DLGAP2: variants seen among roughly 807,000 people sequenced by gnomAD.
DLGAP2 encodes the protein DLG associated protein 2.
A neutral mutation model predicts 100.3 loss-of-function variants in DLGAP2; 26 were observed. The ratio of observed to expected loss-of-function variants is 0.26; its 90% CI spans 0.19 to 0.36. The LOEUF is 0.36. DLGAP2 is among the 10% of genes least tolerant of loss of function. DLGAP2 has a pLI of 1.00. For missense variants in DLGAP2, 1,858 were observed against 1,453.2 expected, an observed-to-expected ratio of 1.28 and a Z score of -4.53; for synonymous variants, 886 against 630.1, an observed-to-expected ratio of 1.41 and a Z score of -6.08.
intron 3 of DLGAP2, chr8:1,381,321 G>T (rs1327064637): frequency 6.6e-6 from 1 of 152,146 alleles, no homozygotes; most frequent in Admixed American, 6.5e-5. Context: ...TGTTAGCAAA[G>T]ACATGAAAAA....
At chr8:802,627 G>A (rs1399226905) in intron 1 of DLGAP2, among the ~76,000 whole-genome samples, 2 of 152,172 alleles carry the variant, frequency 1.3e-5, no homozygotes, top group African/African-American at 2.4e-5. Flanking sequence ...CAGCCCCCGA[G>A]AGGCTGCATC....
intron 3 of DLGAP2, among the ~76,000 whole-genome samples, chr8:1,330,594 ACGGGGACCGAG>A (rs1563086934): frequency 1.2e-4 from 15 of 126,474 alleles, no homozygotes; most frequent in Non-Finnish European, 2.0e-4. Context: ...GCACCGCTTC[ACGGGGACCGAG>A]TTCTGGGTGG....
intron 8 of DLGAP2, among the ~76,000 whole-genome samples, chr8:1,642,278 A>G (rs1385890878): frequency 5.2e-5 from 4 of 76,676 alleles, no homozygotes; most frequent in Non-Finnish European, 8.0e-5. Context: ...GTCACCCTCC[A>G]ACCCGCCGGC....
intron 2 of DLGAP2, among the ~76,000 whole-genome samples, chr8:993,787 C>CTTTTTTTTTTTTTTTTTTTT (rs534659471): frequency 1.6e-5 from 1 of 64,160 alleles, no homozygotes; most frequent in African/African-American, 6.4e-5. Context: ...AACTGATTGG[C>CTTTTTTTTTTTTTTTTTTTT]TTTTTTTTTT....
At chr8:846,284 C>T (rs1186426282) in intron 1 of DLGAP2, among the ~76,000 whole-genome samples, 1 of 152,188 alleles carries the variant, frequency 6.6e-6, no homozygotes, top group African/African-American at 2.4e-5. Context: ...CTTTTGCCAT[C>T]TCCTCCTCCC....
At chr8:846,794 A>T (rs1439036633) in intron 1 of DLGAP2, among the ~76,000 whole-genome samples, 1 of 152,100 alleles carries the variant, frequency 6.6e-6, no homozygotes, top group African/African-American at 2.4e-5. Context: ...GGTAATAGCC[A>T]TTCTAATTGG....
At chr8:1,257,020 T>C (rs1420565259) in intron 2 of DLGAP2, among the ~76,000 whole-genome samples, 1 of 152,138 alleles carries the variant, frequency 6.6e-6, no homozygotes, top group African/African-American at 2.4e-5. Context: ...CTTCAGGTCC[T>C]GCCCTGCGGC....
intron 2 of DLGAP2, among the ~76,000 whole-genome samples, chr8:1,214,483 G>A (rs376939758): frequency 1.3e-5 from 2 of 152,204 alleles, no homozygotes; most frequent in African/African-American, 4.8e-5. Context: ...ACCACTTTAC[G>A]TAGGAGATGC....
At chr8:1,385,662 C>T (rs1316405073) in intron 3 of DLGAP2, among the ~76,000 whole-genome samples, 1 of 60,956 alleles carries the variant, frequency 1.6e-5, no homozygotes, top group Admixed American at 1.6e-4. Context: ...TGCACAGTTA[C>T]CCCGGCCTGT....
At chr8:1,166,441 T>G (rs1797017889) in intron 2 of DLGAP2, among the ~76,000 whole-genome samples, 1 of 152,226 alleles carries the variant, frequency 6.6e-6, no homozygotes, top group Non-Finnish European at 1.5e-5. Context: ...TCTGTTCGTC[T>G]CCAGGAAGGA....
intron 8 of DLGAP2, among the ~76,000 whole-genome samples, chr8:1,666,619 G>A (rs1450947379): frequency 6.6e-6 from 1 of 151,824 alleles, no homozygotes; most frequent in African/African-American, 2.4e-5. Context: ...GGCAGAGGCT[G>A]CAGTGAGCTC....
intron 1 of DLGAP2, among the ~76,000 whole-genome samples, chr8:826,262 T>C (rs1196295734): frequency 6.6e-6 from 1 of 152,228 alleles, no homozygotes; most frequent in African/African-American, 2.4e-5. Context: ...ATCTTGGCTG[T>C]TGTAAACAGA....
rs545194284 is a variant in DLGAP2, at chr8:1,283,374, C to T, written c.106+24491C>T. On this transcript the variant is annotated intron_variant, in intron 3 of 14. Transcript: ENST00000637795. ...GTCCCTCTTCGTCCCCTCAATGGCG[C>T]CCAGACCTTCCACATTCATAAAAGG... is the stretch of plus-strand genomic sequence containing the variant. 5.7e-4 allele frequency among the ~76,000 whole-genome samples: 87 copies of T among 152,330 alleles called. 1 individual carries two copies. Among genetic ancestry groups the T allele is most frequent in the Admixed American group, 2.4e-3 (36 of 15,296 alleles).
chr8:1,359,670 C>A (rs1328579049), intron 3 of DLGAP2, among the ~76,000 whole-genome samples: 2 of 152,206 alleles, frequency 1.3e-5, no homozygotes, highest in East Asian at 1.9e-4. Flanking sequence ...AGATAGCCAT[C>A]CCCTCCCAAT....
chr8:1,585,266 C>T (rs528807366), intron 6 of DLGAP2, among the ~76,000 whole-genome samples: 29 of 152,148 alleles, frequency 1.9e-4, no homozygotes, highest in African/African-American at 6.3e-4. Context: ...AGTTTGAGAC[C>T]AGCCTGGCCA....
intron 1 of DLGAP2, among the ~76,000 whole-genome samples, chr8:843,700 A>G (rs369492160): frequency 6.6e-6 from 1 of 152,172 alleles, no homozygotes; most frequent in African/African-American, 2.4e-5. Context: ...GATGTGTGAT[A>G]TGATTGGTCT....
intron 14 of DLGAP2, among the ~76,000 whole-genome samples, chr8:1,698,326 T>G (rs1023504411): frequency 6.9e-6 from 1 of 145,284 alleles, no homozygotes; most frequent in South Asian, 2.2e-4. Context: ...GACAGGTCCA[T>G]GTAAGCCATG....
At chr8:1,656,675 C>G (rs1798292224) in intron 8 of DLGAP2, among the ~76,000 whole-genome samples, 1 of 152,184 alleles carries the variant, frequency 6.6e-6, no homozygotes, top group African/African-American at 2.4e-5. Flanking sequence ...CACCTGAATA[C>G]ATTTCCTTTA....
chr8:876,763 T>C (rs1013022510), intron 1 of DLGAP2, among the ~76,000 whole-genome samples: 2 of 152,180 alleles, frequency 1.3e-5, no homozygotes, highest in African/African-American at 4.8e-5. Flanking sequence ...GTTCTCATTG[T>C]GCTTGTGTTT....
Sources: allele counts gnomAD v4.1 joint callset (sites outside exome capture counted in the v4.1 genomes callset), GRCh38; gene constraint gnomAD v4.1.1; transcripts MANE v1.5; gene names NCBI Gene and HGNC (gene_info 2026-07-23, HGNC 2026-07-21).